GALNT17: variants seen among roughly 807,000 people sequenced by gnomAD.
GALNT17 encodes the protein UDP-GalNAc:polypeptide N-acetylgalactosaminyltransferase-like 3.
A neutral mutation model predicts 63.7 loss-of-function variants in GALNT17; 29 were observed. That is an observed-to-expected ratio of 0.46 (90% CI 0.34 to 0.62). GALNT17 has a LOEUF of 0.62. Among genes scored for constraint, GALNT17 ranks in the 20% least tolerant of loss-of-function variants. GALNT17 has a pLI of 0.01. For synonymous variants in GALNT17, 305 were observed against 318.3 expected (o/e 0.96, Z 0.45); for missense variants, 603 against 799.6 (o/e 0.75, Z 2.97).
At chr7:71,512,037 A>G (rs1396322877) in intron 5 of GALNT17, among the ~76,000 whole-genome samples, 1 of 139,516 alleles carries the variant, frequency 7.2e-6, no homozygotes, top group Non-Finnish European at 1.5e-5. Context: ...TTTTTGAGAC[A>G]GAGTTTCACT....
intron 1 of GALNT17, among the ~76,000 whole-genome samples, chr7:71,153,643 C>T (rs1233132918): frequency 6.6e-6 from 1 of 152,076 alleles, no homozygotes; most frequent in African/African-American, 2.4e-5. Flanking sequence ...GGCCAGGAGT[C>T]GTAATCCCTG....
rs186130540 is a variant in GALNT17, at chr7:71,666,092, G to A, written c.1266+496G>A. Among the ~76,000 whole-genome samples the A allele has an allele frequency of 1.1e-4, 16 of 152,134 alleles. No homozygotes were observed. The East Asian group carries it at 1.5e-3, about 15-fold the overall frequency. On this transcript the variant is annotated intron_variant, in intron 7 of 10. Transcript: ENST00000333538. ...CTGCAGCCCCACAGGAGTGTCATGC[G>A]GTAGTTGTATATTAGCGTGGTTTGA...
chr7:71,540,678 A>G (rs1788874627), intron 5 of GALNT17, among the ~76,000 whole-genome samples: 1 of 152,122 alleles, frequency 6.6e-6, no homozygotes, highest in Admixed American at 6.6e-5. Flanking sequence ...AGGTATATTT[A>G]TGTAATAAAT....
intron 1 of GALNT17, among the ~76,000 whole-genome samples, chr7:71,232,523 G>A (rs986191015): frequency 7.2e-5 from 11 of 152,140 alleles, no homozygotes; most frequent in African/African-American, 2.7e-4. Context: ...GATTGGAAGT[G>A]ATGCAGGGCA....
chr7:71,504,601 C>T (rs996367896), intron 5 of GALNT17, among the ~76,000 whole-genome samples: 2 of 151,942 alleles, frequency 1.3e-5, no homozygotes, highest in Non-Finnish European at 2.9e-5. Flanking sequence ...CATTTTTTTA[C>T]CTAGTTTACT....
chr7:71,498,414 A>G (rs537914490), intron 5 of GALNT17, among the ~76,000 whole-genome samples: 2 of 152,122 alleles, frequency 1.3e-5, no homozygotes, highest in Non-Finnish European at 2.9e-5. Flanking sequence ...TGGAGGTTGC[A>G]GTGAGCTGAG....
chr7:71,192,355 G>A (rs1336854365), intron 1 of GALNT17, among the ~76,000 whole-genome samples: 1 of 151,514 alleles, frequency 6.6e-6, no homozygotes, highest in African/African-American at 2.4e-5. Flanking sequence ...CAATTAAGTT[G>A]ACACTCAATA....
At chr7:71,332,323 C>A (rs1429209988) in intron 1 of GALNT17, among the ~76,000 whole-genome samples, 1 of 151,974 alleles carries the variant, frequency 6.6e-6, no homozygotes, top group Non-Finnish European at 1.5e-5. Flanking sequence ...TTTCAGGGAC[C>A]TAAATTTTTG....
At chr7:71,150,222 T>C (rs1036247423) in intron 1 of GALNT17, among the ~76,000 whole-genome samples, 9 of 152,156 alleles carry the variant, frequency 5.9e-5, no homozygotes, top group African/African-American at 2.2e-4. Context: ...TTTTTTCTTA[T>C]GGTACCTATT....
intron 1 of GALNT17, among the ~76,000 whole-genome samples, chr7:71,265,118 A>ATTTTTTTTTTTTTTTTTTT (rs60738546): frequency 2.7e-5 from 1 of 37,460 alleles, no homozygotes; most frequent in Non-Finnish European, 6.8e-5. Context: ...ATATATATAT[A>ATTTTTTTTTTTTTTTTTTT]TTTTTTTTTT....
chr7:71,374,269 C>G (rs979146505), intron 2 of GALNT17, among the ~76,000 whole-genome samples: 36 of 152,294 alleles, frequency 2.4e-4, no homozygotes, highest in African/African-American at 8.7e-4. Context: ...GAAAGTGACT[C>G]TGAGCCTCAA....
intron 2 of GALNT17, among the ~76,000 whole-genome samples, chr7:71,377,110 A>ATATATATAT (rs1563047531): frequency 1.7e-4 from 11 of 63,448 alleles, no homozygotes; most frequent in Non-Finnish European, 2.6e-4. Context: ...ATAAAAATAA[A>ATATATATAT]AAAAATATAT....
At chr7:71,152,852 C>G (rs1472490479) in intron 1 of GALNT17, among the ~76,000 whole-genome samples, 1 of 151,966 alleles carries the variant, frequency 6.6e-6, no homozygotes, top group African/African-American at 2.4e-5. Context: ...AGGCTGGTCT[C>G]GAACTCCTGA....
chr7:71,176,216 G>A (rs1421142526), intron 1 of GALNT17, among the ~76,000 whole-genome samples: 1 of 152,040 alleles, frequency 6.6e-6, no homozygotes, highest in Admixed American at 6.5e-5. Context: ...ATTTTAGGAT[G>A]TAGCCTCTGA....
At chr7:71,598,908 A>G (rs73702230) in intron 6 of GALNT17, among the ~76,000 whole-genome samples, 253 of 152,130 alleles carry the variant, frequency 1.7e-3, no homozygotes, top group African/African-American at 5.9e-3. Context: ...CGGTGGTCTT[A>G]GTTGACCTGT....
intron 5 of GALNT17, among the ~76,000 whole-genome samples, chr7:71,530,346 A>G (rs538786505): frequency 6.6e-6 from 1 of 152,292 alleles, no homozygotes; most frequent in East Asian, 1.9e-4. Context: ...ACACACACAC[A>G]CGCACACACA....
chr7:71,378,548 T>C (rs549880955), intron 2 of GALNT17, among the ~76,000 whole-genome samples: 1 of 152,264 alleles, frequency 6.6e-6, no homozygotes, highest in East Asian at 1.9e-4. Flanking sequence ...TGAGGTGCCA[T>C]CACTGATGCT....
chr7:71,360,580 G>T (rs527765688), intron 2 of GALNT17, among the ~76,000 whole-genome samples: 5 of 152,172 alleles, frequency 3.3e-5, no homozygotes, highest in African/African-American at 9.7e-5. Context: ...ATATCACATT[G>T]CCATTGTTCC....
intron 5 of GALNT17, among the ~76,000 whole-genome samples, chr7:71,468,562 G>A (rs549831948): frequency 1.5e-4 from 23 of 152,136 alleles, no homozygotes; most frequent in Middle Eastern, 3.4e-3. Flanking sequence ...GATTATGGAT[G>A]CCCACCACCA....
Sources: allele counts gnomAD v4.1 joint callset (sites outside exome capture counted in the v4.1 genomes callset), GRCh38; gene constraint gnomAD v4.1.1; transcripts MANE v1.5; gene names NCBI Gene and HGNC (gene_info 2026-07-23, HGNC 2026-07-21).